Variants in CNTNAP2 observed in about 807,000 individuals in gnomAD.
CNTNAP2 encodes contactin associated protein 2.
CNTNAP2 carries 98 observed loss-of-function variants against 155.2 expected under a neutral mutation model. The observed-to-expected ratio is 0.63, with a 90% confidence interval of 0.54 to 0.75. The LOEUF (loss-of-function observed/expected upper bound fraction) is 0.75. Ranked by LOEUF, CNTNAP2 falls within the 30% of genes least tolerant of loss-of-function variation. CNTNAP2 has a pLI of 0.00. For synonymous variants in CNTNAP2, 651 were observed against 631.2 expected (o/e 1.03, Z -0.47); for missense variants, 1,727 against 1,688.1 (o/e 1.02, Z -0.40).
intron 8 of CNTNAP2, among the ~76,000 whole-genome samples, chr7:147,234,425 C>T (rs1803756109): frequency 6.6e-6 from 1 of 150,490 alleles, no homozygotes; most frequent in Non-Finnish European, 1.5e-5. Context: ...GCAAGCTCCG[C>T]CTCCCAGGTT....
chr7:148,217,204 T>A, intron 18 of CNTNAP2, 84 bp from the exon 19 acceptor site: 1 of 1,372,040 alleles, frequency 7.3e-7, no homozygotes, highest in Non-Finnish European at 1.0e-6. Flanking sequence ...GTGCCTGCAC[T>A]CCATGAACTG....
At chr7:148,393,961 A>G (rs1799410663) in intron 22 of CNTNAP2, among the ~76,000 whole-genome samples, 1 of 151,828 alleles carries the variant, frequency 6.6e-6, no homozygotes, top group Admixed American at 6.6e-5. Context: ...TATATTAAGT[A>G]AATTAGTATT....
At chr7:146,295,771 A>C (rs2129087391) in intron 1 of CNTNAP2, among the ~76,000 whole-genome samples, 1 of 152,104 alleles carries the variant, frequency 6.6e-6, no homozygotes, top group South Asian at 2.1e-4. Context: ...AATTGTTAAA[A>C]ATGAAAACAT....
At chr7:148,220,167 A>T (rs1795718987) in intron 19 of CNTNAP2, among the ~76,000 whole-genome samples, 1 of 152,216 alleles carries the variant, frequency 6.6e-6, no homozygotes, top group Admixed American at 6.5e-5. Context: ...CAGTGGCATG[A>T]TCTCGGCTCA....
At chr7:146,372,679 A>G (rs1795252746) in intron 1 of CNTNAP2, among the ~76,000 whole-genome samples, 1 of 152,196 alleles carries the variant, frequency 6.6e-6, no homozygotes, top group South Asian at 2.1e-4. Context: ...CCCTAAATGA[A>G]GACCAGGAGT....
chr7:148,367,888 C>T (rs1472226245), intron 21 of CNTNAP2, among the ~76,000 whole-genome samples: 1 of 151,346 alleles, frequency 6.6e-6, no homozygotes, highest in African/African-American at 2.4e-5. Flanking sequence ...ATGGAAGTCC[C>T]CTCAACATGT....
At chr7:146,390,662 A>T (rs1238130007) in intron 1 of CNTNAP2, among the ~76,000 whole-genome samples, 2 of 149,320 alleles carry the variant, frequency 1.3e-5, no homozygotes, top group Non-Finnish European at 3.0e-5. Context: ...TGAAATAAAT[A>T]TATATATAAG....
chr7:146,563,516 G>T (rs1798312650), intron 1 of CNTNAP2, among the ~76,000 whole-genome samples: 1 of 152,032 alleles, frequency 6.6e-6, no homozygotes, highest in Non-Finnish European at 1.5e-5. Context: ...TTGACACATA[G>T]AAATGATCTA....
At chr7:146,600,651 G>A (rs1002600456) in intron 1 of CNTNAP2, among the ~76,000 whole-genome samples, 6 of 152,014 alleles carry the variant, frequency 3.9e-5, no homozygotes, top group African/African-American at 1.4e-4. Context: ...TATGTATTCT[G>A]TACCTTTTTA....
At chr7:147,966,907 G>T (rs1177010693) in intron 14 of CNTNAP2, among the ~76,000 whole-genome samples, 1 of 152,006 alleles carries the variant, frequency 6.6e-6, no homozygotes, top group Non-Finnish European at 1.5e-5. Flanking sequence ...GGTGCACATG[G>T]CATTCCAGTT....
intron 10 of CNTNAP2, among the ~76,000 whole-genome samples, chr7:147,474,810 A>G (rs757749158): frequency 6.6e-6 from 1 of 152,124 alleles, no homozygotes; most frequent in Non-Finnish European, 1.5e-5. Flanking sequence ...ATCAAGGAGA[A>G]GTTTAGGATC....
intron 1 of CNTNAP2, among the ~76,000 whole-genome samples, chr7:146,706,608 C>A (rs1800970026): frequency 6.6e-6 from 1 of 152,070 alleles, no homozygotes; most frequent in Non-Finnish European, 1.5e-5. Flanking sequence ...GAGATTATAT[C>A]CTTTGCAGGG....
chr7:148,213,665 A>G (rs775849265), intron 18 of CNTNAP2, among the ~76,000 whole-genome samples: 2 of 151,510 alleles, frequency 1.3e-5, no homozygotes, highest in Non-Finnish European at 2.9e-5. Flanking sequence ...CACATTCTCT[A>G]GCAGAACCTC....
Position 147,598,974 on chromosome 7 carries a change from T to A in CNTNAP2, c.1897+36717T>A, listed in dbSNP as rs1047808769. 2.6e-5 allele frequency among the ~76,000 whole-genome samples: 4 copies of A among 152,194 alleles called. No homozygotes were observed. In the East Asian group the frequency reaches 7.7e-4, roughly 29 times the overall value. On this transcript the variant is annotated intron_variant, in intron 12 of 23. Coordinates refer to ENST00000361727, the MANE Select transcript of CNTNAP2 (RefSeq NM_014141.6). ...CTCCCCAGCCATGCTGAACTGTGAG[T>A]CAGTTAAACCTCTTTCCTTATAAAT...
intron 1 of CNTNAP2, among the ~76,000 whole-genome samples, chr7:146,312,543 C>A (rs560756389): frequency 3.3e-5 from 5 of 152,106 alleles, no homozygotes; most frequent in African/African-American, 9.7e-5. Flanking sequence ...AATTAACATG[C>A]CCTTCACCTC....
chr7:147,692,963 A>G (rs1478153754), intron 13 of CNTNAP2, among the ~76,000 whole-genome samples: 2 of 151,966 alleles, frequency 1.3e-5, no homozygotes, highest in South Asian at 2.1e-4. Context: ...TAGGAGTTTT[A>G]TAGTTTAGCA....
At chr7:147,286,195 G>A (rs1805170431) in intron 8 of CNTNAP2, among the ~76,000 whole-genome samples, 1 of 151,968 alleles carries the variant, frequency 6.6e-6, no homozygotes, top group Non-Finnish European at 1.5e-5. Context: ...AACCAAGGAT[G>A]ATTTTGTGCC....
chr7:147,267,764 A>AACTGATATGT (rs1804647421), intron 8 of CNTNAP2, among the ~76,000 whole-genome samples: 1 of 152,190 alleles, frequency 6.6e-6, no homozygotes, highest in African/African-American at 2.4e-5. Flanking sequence ...ACTCTCATAA[A>AACTGATATGT]ACTGATATGT....
chr7:146,774,443 A>ATG, intron 2 of CNTNAP2, 62 bp downstream of exon 2: 7 of 1,091,086 alleles, frequency 6.4e-6, no homozygotes, highest in Non-Finnish European at 8.2e-6. Flanking sequence ...TTATATTTAT[A>ATG]GCCATATATA....
Sources: gnomAD v4.1 joint callset for allele counts (sites outside exome capture counted in the v4.1 genomes callset) on GRCh38, gnomAD v4.1.1 for gene constraint, MANE v1.5 for transcripts, NCBI Gene and HGNC (gene_info 2026-07-23, HGNC 2026-07-21) for gene names.